The following WDPCP variants were observed in gnomAD, a reference collection of about 807,000 sequenced individuals.
The protein encoded by WDPCP is WD repeat-containing and planar cell polarity effector protein fritz homolog.
A neutral mutation model predicts 93.1 loss-of-function variants in WDPCP; 71 were observed. The observed-to-expected ratio is 0.76, with a 90% CI of 0.63 to 0.93. The LOEUF (loss-of-function observed/expected upper bound fraction) is 0.93, where lower values mean the gene tolerates loss of function less well. Among genes scored for constraint, WDPCP ranks in the 40% least tolerant of loss-of-function variants. WDPCP has a pLI of 0.00. For synonymous variants in WDPCP, 315 were observed against 315.0 expected, an observed-to-expected ratio of 1.00 and a Z score of 0.00; for missense variants, 844 against 887.4, an observed-to-expected ratio of 0.95 and a Z score of 0.62.
At chr2:63,647,079 G>A (rs1166429804) in intron 3 of WDPCP, among the ~76,000 whole-genome samples, 1 of 151,944 alleles carries the variant, frequency 6.6e-6, no homozygotes, top group African/African-American at 2.4e-5. Flanking sequence ...TATCCTGTAG[G>A]TGTGCTTCAT....
At chr2:63,568,007 T>C (rs1268364694) in intron 1 of WDPCP, among the ~76,000 whole-genome samples, 1 of 152,224 alleles carries the variant, frequency 6.6e-6, no homozygotes, top group African/African-American at 2.4e-5. Context: ...TAAAAAATAA[T>C]GACAGCTTTT....
At chr2:63,145,062 C>T (rs748868112) in intron 17 of WDPCP, among the ~76,000 whole-genome samples, 3 of 152,150 alleles carry the variant, frequency 2.0e-5, no homozygotes, top group Admixed American at 2.0e-4. Context: ...TTATCTGGCT[C>T]CAGGCTGGTA....
chr2:63,838,485 GCTTT>G, the WDPCP span, among the ~76,000 whole-genome samples: 1 of 152,116 alleles, frequency 6.6e-6, no homozygotes, highest in African/African-American at 2.4e-5. Context: ...TGGCTTCCAG[GCTTT>G]CTTTCTAATT....
In WDPCP at chr2:63,157,516, C is replaced by A. The variant is rs138024635; in HGVS notation, c.2079-3942G>T. Among the ~76,000 whole-genome samples the A allele has an allele frequency of 1.8e-3, 277 of 152,232 alleles. 2 individuals are homozygous for A. Among genetic ancestry groups the A allele is most frequent in the African/African-American group, 6.3e-3 (260 of 41,542 alleles). On this transcript the variant is annotated intron_variant, in intron 15 of 17. Transcript: ENST00000272321. The stretch of plus-strand genomic sequence containing the variant: ...AGTGAAACCATCGGGACCTGGAGAT[C>A]TCTTTTACAGAGTTTTTTGTTTTGT...
the WDPCP span, among the ~76,000 whole-genome samples, chr2:63,837,353 C>T: frequency 6.6e-6 from 1 of 152,202 alleles, no homozygotes. Context: ...GACTGAGTAA[C>T]AGTAGCCCCT....
chr2:63,477,721 G>A (rs1700050400), intron 6 of WDPCP: 1 of 152,290 alleles, frequency 6.6e-6, no homozygotes, highest in Admixed American at 6.5e-5. Context: ...TGCCCGAAGT[G>A]TGAAAGTGGG....
chr2:63,633,431 G>A (rs187899985), intron 3 of WDPCP, among the ~76,000 whole-genome samples: 5 of 152,226 alleles, frequency 3.3e-5, no homozygotes, highest in African/African-American at 4.8e-5. Flanking sequence ...AACAAAAAAT[G>A]TAAATTATGA....
At chr2:63,601,453 C>T (rs1162648268) in intron 3 of WDPCP, among the ~76,000 whole-genome samples, 1 of 152,104 alleles carries the variant, frequency 6.6e-6, no homozygotes, top group African/African-American at 2.4e-5. Context: ...ACAATGATAC[C>T]AGTTAGCTTG....
chr2:63,598,030 T>G (rs1043230241), intron 3 of WDPCP: 6 of 152,336 alleles, frequency 3.9e-5, no homozygotes, highest in African/African-American at 1.4e-4. Flanking sequence ...CTTGAAGAAT[T>G]GAGTCAGTAT....
intron 9 of WDPCP, among the ~76,000 whole-genome samples, chr2:63,407,816 A>C (rs1298996327): frequency 6.6e-6 from 1 of 152,202 alleles, no homozygotes; most frequent in Non-Finnish European, 1.5e-5. Flanking sequence ...TGCTGGTTGA[A>C]ATATCATACT....
At chr2:63,499,753 G>C (rs902298611) in intron 1 of WDPCP, among the ~76,000 whole-genome samples, 1 of 152,144 alleles carries the variant, frequency 6.6e-6, no homozygotes, top group Non-Finnish European at 1.5e-5. Context: ...TCAATGGATG[G>C]GGATCTGGTT....
At chr2:63,529,881 G>A (rs571738967) in intron 1 of WDPCP, among the ~76,000 whole-genome samples, 1 of 152,164 alleles carries the variant, frequency 6.6e-6, no homozygotes, top group Admixed American at 6.5e-5. Context: ...TTCAGACCCT[G>A]TTATTGGTCT....
Position 63,158,973 on chromosome 2 carries a change from CAAAAAAAAAAA to C in WDPCP, c.2079-5410_2079-5400del, listed in dbSNP as rs34001322. On this transcript the variant is annotated intron_variant, in intron 15 of 17. Transcript: ENST00000272321. Reference sequence around the variant, plus strand: ...GTAACATGGTAAAACCTCATCTCTACAAAAAAAAAAAAAAAAAAAAAAAAAAGCAAAAATTA... The same window carrying C: ...GTAACATGGTAAAACCTCATCTCTACAAAAAAAAAAAAAAAGCAAAAATTA... Among the ~76,000 whole-genome samples the C allele has an allele frequency of 4.6e-4, 28 of 61,140 alleles. 1 individual carries two copies. Among genetic ancestry groups the C allele is most frequent in the Admixed American group, 6.7e-4 (4 of 5,970 alleles). The allele number at this position is 61,140 out of a possible 152,430, so 40.1% of individuals were successfully genotyped here.
intron 13 of WDPCP, among the ~76,000 whole-genome samples, chr2:63,274,465 GAAATAAT>G (rs1415195773): frequency 6.6e-6 from 1 of 151,854 alleles, no homozygotes; most frequent in East Asian, 1.9e-4. Context: ...TAGAAAAAGA[GAAATAAT>G]AAAGATCAGG....
chr2:63,685,255 A>C (rs1043259480), intron 2 of WDPCP, among the ~76,000 whole-genome samples: 2 of 152,212 alleles, frequency 1.3e-5, no homozygotes, highest in Non-Finnish European at 1.5e-5. Context: ...AAATAAAATC[A>C]GAGATGAAAA....
intron 1 of WDPCP, among the ~76,000 whole-genome samples, chr2:63,556,177 G>A (rs901248805): frequency 2.2e-4 from 34 of 152,156 alleles, no homozygotes; most frequent in Non-Finnish European, 8.8e-5. Flanking sequence ...GCTGAAAAAC[G>A]TAACATGAGA....
At chr2:63,491,687 AATATTTCC>A in intron 2 of WDPCP, among the ~76,000 whole-genome samples, 1 of 152,258 alleles carries the variant, frequency 6.6e-6, no homozygotes, top group Admixed American at 6.5e-5. Flanking sequence ...TCCTTAATTA[AATATTTCC>A]ACAGCATGAA....
intron 12 of WDPCP, among the ~76,000 whole-genome samples, chr2:63,315,905 A>T (rs565476935): frequency 6.6e-6 from 1 of 151,968 alleles, no homozygotes; most frequent in Non-Finnish European, 1.5e-5. Context: ...TGTGACTACA[A>T]GCATGTGCCA....
chr2:63,607,166 T>C, intron 3 of WDPCP: 1 of 431,514 alleles, frequency 2.3e-6, no homozygotes, highest in Non-Finnish European at 4.0e-6. Context: ...GCTGTTAGTG[T>C]GCATTCTAAA....
Sources: allele counts gnomAD v4.1 joint callset (sites outside exome capture counted in the v4.1 genomes callset), GRCh38; gene constraint gnomAD v4.1.1; transcripts MANE v1.5; gene names NCBI Gene and HGNC (gene_info 2026-07-23, HGNC 2026-07-21).